Variants in PFDN1 observed in about 807,000 individuals in gnomAD.
The protein encoded by PFDN1 is prefoldin 1.
A neutral mutation model predicts 17.3 loss-of-function variants in PFDN1; 6 were observed. The ratio of observed to expected loss-of-function variants is 0.35; its 90% CI spans 0.19 to 0.69. The LOEUF (loss-of-function observed/expected upper bound fraction) is 0.69, where lower values mean the gene tolerates loss of function less well. Among genes scored for constraint, PFDN1 ranks in the 30% least tolerant of loss-of-function variants. The pLI is 0.65. For synonymous variants in PFDN1, 58 were observed against 50.1 expected (o/e 1.16, Z -0.67); for missense variants, 113 against 146.2 (o/e 0.77, Z 1.17).
intron 3 of PFDN1, among the ~76,000 whole-genome samples, chr5:140,278,269 A>T (rs1368747339): frequency 6.7e-6 from 1 of 150,084 alleles, no homozygotes; most frequent in Non-Finnish European, 1.5e-5. Context: ...CATAAAACAA[A>T]ATAAGACATA....
chr5:140,263,150 G>T (rs1194423321), intron 3 of PFDN1, among the ~76,000 whole-genome samples: 1 of 152,234 alleles, frequency 6.6e-6, no homozygotes, highest in Non-Finnish European at 1.5e-5. Context: ...GGGAAGACTG[G>T]TGGCTTTTCT....
chr5:140,276,018 ATGATGATGATGAT>A (rs1765286154), intron 3 of PFDN1, among the ~76,000 whole-genome samples: 1 of 55,748 alleles, frequency 1.8e-5, no homozygotes, highest in South Asian at 8.4e-4. Context: ...AGAGAAATTG[ATGATGATGATGAT>A]GATGATGATG....
At chr5:140,301,578 T>G (rs1454216593) in intron 1 of PFDN1, among the ~76,000 whole-genome samples, 5 of 152,218 alleles carry the variant, frequency 3.3e-5, no homozygotes, top group Admixed American at 3.3e-4. Context: ...TGAAATTTCC[T>G]ATTTGTCTCC....
At chr5:140,286,419 A>C (rs1765490452) in intron 2 of PFDN1, among the ~76,000 whole-genome samples, 1 of 150,960 alleles carries the variant, frequency 6.6e-6, no homozygotes, top group Non-Finnish European at 1.5e-5. Context: ...CTCAAAAAAA[A>C]AAAAAAAAAA....
chr5:140,257,223 C>CAA (rs201028967), intron 3 of PFDN1, among the ~76,000 whole-genome samples: 6 of 75,008 alleles, frequency 8.0e-5, no homozygotes, highest in Non-Finnish European at 1.4e-4. Flanking sequence ...AACTCCATCT[C>CAA]AAAAAAAAAA....
intron 2 of PFDN1, among the ~76,000 whole-genome samples, chr5:140,291,668 A>AC (rs1415985999): frequency 8.8e-6 from 1 of 113,082 alleles, no homozygotes; most frequent in African/African-American, 3.0e-5. Flanking sequence ...GTACATATAG[A>AC]CAAAAAAAAA....
intron 1 of PFDN1, among the ~76,000 whole-genome samples, chr5:140,302,198 G>A (rs1765758182): frequency 6.6e-6 from 1 of 152,218 alleles, no homozygotes; most frequent in Non-Finnish European, 1.5e-5. Flanking sequence ...ACTTCTGACA[G>A]ACTTTTCTGG....
Position 140,286,561 on chromosome 5 carries a change from G to A in PFDN1, c.201-5028C>T, listed in dbSNP as rs1313704130. On this transcript the variant is annotated intron_variant, in intron 2 of 3. Transcript: ENST00000261813. ...GAGAGCTTTTTAAAATTCATTGCTC[G>A]AAAAATGTTTCCTCTTGAATCCTCA... Among the ~76,000 whole-genome samples the A allele has an allele frequency of 2.9e-5, 4 of 136,090 alleles. No individual in the cohort carries two copies. The East Asian group carries it at 6.6e-4, about 22-fold the overall frequency. The allele number at this position is 136,090 out of a possible 152,430, so 89.3% of individuals were successfully genotyped here. A position where few individuals can be genotyped will look rare whatever the true frequency, so the allele number is the denominator to read the frequency against.
rs531961088 is a variant in PFDN1 at position 140,301,321 on chromosome 5, T to TCTGTG, written c.34-740_34-739insCACAG. ...AAGCACTGGCAAAAGAATTGCATCA[T>TCTGTG]GATCTTCATCCACAGATACCAGGCC... is the stretch of plus-strand genomic sequence containing the variant. On this transcript the variant is annotated intron_variant, in intron 1 of 3. Transcript: ENST00000261813. Among the ~76,000 whole-genome samples, 6 of 152,360 alleles carry TCTGTG rather than the reference T, an allele frequency of 3.9e-5. No homozygotes were observed. The South Asian group carries it at 1.0e-3, about 26-fold the overall frequency.
chr5:140,266,972 T>G (rs1765141813), intron 3 of PFDN1, among the ~76,000 whole-genome samples: 1 of 152,226 alleles, frequency 6.6e-6, no homozygotes, highest in African/African-American at 2.4e-5. Context: ...CATGCTGCGG[T>G]GTGGGTTAAA....
At position 140,261,295 on chromosome 5, in the gene PFDN1, A is replaced by G. The variant is rs372686199; in HGVS notation, c.286-15238T>C. On this transcript the variant is annotated intron_variant, in intron 3 of 3. Coordinates refer to ENST00000261813, the MANE Select transcript of PFDN1 (RefSeq NM_002622.5). Reference sequence around the variant, plus strand: ...CTGTACTCCACCCAAAAATTTACACATACAAACGGGTTGGGGTAAAATAAA... The same window carrying G: ...CTGTACTCCACCCAAAAATTTACACGTACAAACGGGTTGGGGTAAAATAAA... 1.7e-4 allele frequency among the ~76,000 whole-genome samples: 26 copies of G among 152,346 alleles called. 1 individual carries two copies. The South Asian group carries it at 5.0e-3, about 29-fold the overall frequency.
rs1765729341 is a variant in PFDN1 at position 140,300,586 on chromosome 5, A to G, written c.34-4T>C. On this transcript the variant is annotated splice_polypyrimidine_tract_variant and splice_region_variant and intron_variant, in intron 1 of 3. Transcript: ENST00000261813. ...TGGCTTGAAGCTCTGTGAAGGCCTAATAAAAACAAGTCCATGATTTAGTAG... is the reference window on the plus strand; with the variant it reads ...TGGCTTGAAGCTCTGTGAAGGCCTAGTAAAAACAAGTCCATGATTTAGTAG... 1 of 1,590,268 alleles carries G rather than the reference A, an allele frequency of 6.3e-7. No homozygotes were observed. Among genetic ancestry groups the G allele is most frequent in the Non-Finnish European group, 8.6e-7 (1 of 1,167,636 alleles).
Position 140,245,050 on chromosome 5 carries a change from G to C in PFDN1, c.*924C>G, listed in dbSNP as rs1048735110. 5.2e-6 allele frequency: 1 copy of C among 193,530 alleles called. No homozygotes were observed. Among genetic ancestry groups the C allele is most frequent in the African/African-American group, 2.4e-5 (1 of 42,244 alleles). The allele number at this position is 193,530 out of a possible 1,614,324, so 12.0% of individuals were successfully genotyped here. A position where few individuals can be genotyped will look rare whatever the true frequency, so the allele number is the denominator to read the frequency against. ...TCAGTGCACAGATAGAGCACAGATCGTGGTCAAATGTAGTAATTAGGGATG... is the reference window on the plus strand; with the variant it reads ...TCAGTGCACAGATAGAGCACAGATCCTGGTCAAATGTAGTAATTAGGGATG... On this transcript the variant is annotated 3_prime_UTR_variant, in exon 4 of 4. Transcript: ENST00000261813.
At chr5:140,251,950 C>T (rs1764919514) in intron 3 of PFDN1, among the ~76,000 whole-genome samples, 3 of 152,054 alleles carry the variant, frequency 2.0e-5, no homozygotes. Flanking sequence ...TTTTTCTTTT[C>T]TTAGGAACTT....
intron 2 of PFDN1, among the ~76,000 whole-genome samples, chr5:140,287,898 T>C (rs1177829864): frequency 6.6e-6 from 1 of 152,222 alleles, no homozygotes; most frequent in African/African-American, 2.4e-5. Context: ...GCCACACACC[T>C]AGTATAATGG....
intron 2 of PFDN1, chr5:140,281,904 T>G: frequency 5.8e-6 from 1 of 172,126 alleles, no homozygotes; most frequent in Non-Finnish European, 1.2e-5. Context: ...TTGCGGGAGT[T>G]GGGCACAGTG....
intron 3 of PFDN1, among the ~76,000 whole-genome samples, chr5:140,276,593 C>CA: frequency 6.6e-6 from 1 of 151,790 alleles, no homozygotes; most frequent in African/African-American, 2.4e-5. Context: ...CCAGTCTGGC[C>CA]AACATGCAAA....
rs538952793 is a variant in PFDN1 at position 140,258,796 on chromosome 5, C to T, written c.286-12739G>A. Reference sequence around the variant, plus strand: ...AGGACCTGGTTTGGAAGGGAAGATTCTGAGCTTCGTTTTGGGTTTAAGGTA... The same window carrying T: ...AGGACCTGGTTTGGAAGGGAAGATTTTGAGCTTCGTTTTGGGTTTAAGGTA... On this transcript the variant is annotated intron_variant, in intron 3 of 3. Transcript: ENST00000261813. Among the ~76,000 whole-genome samples, 7 of 152,266 alleles carry T rather than the reference C, an allele frequency of 4.6e-5. No individual in the cohort carries two copies. In the East Asian group the frequency reaches 1.2e-3, roughly 25 times the overall value.
intron 3 of PFDN1, among the ~76,000 whole-genome samples, chr5:140,269,368 G>C (rs1389214206): frequency 6.6e-6 from 1 of 151,138 alleles, no homozygotes; most frequent in African/African-American, 2.4e-5. Context: ...GCCCAGGCTG[G>C]AGTGCAATGG....
Sources: gnomAD v4.1 joint callset for allele counts (sites outside exome capture counted in the v4.1 genomes callset) on GRCh38, gnomAD v4.1.1 for gene constraint, MANE v1.5 for transcripts, NCBI Gene and HGNC (gene_info 2026-07-23, HGNC 2026-07-21) for gene names.